ARSB: variants seen among roughly 807,000 people sequenced by gnomAD.
ARSB encodes N-acetylgalactosamine-4-sulfatase.
A neutral mutation model predicts 50.9 loss-of-function variants in ARSB; 41 were observed. The observed-to-expected ratio is 0.81, with a 90% CI of 0.63 to 1.04. ARSB has a LOEUF of 1.04. Among genes scored for constraint, ARSB ranks in the 50% least tolerant of loss-of-function variants. The pLI is 0.00. For synonymous variants in ARSB, 269 were observed against 284.8 expected (o/e 0.94, Z 0.56); for missense variants, 672 against 693.3 (o/e 0.97, Z 0.35).
chr5:78,985,065 A>C lies in ARSB; in HGVS notation c.184T>G (p.Phe62Val). ...ADDLGWNDVG[F>V]HGSRIRTPHL... ...GGCGTGCGGATGCGGGAGCCGTGGA[A>C]GCCGACGTCGTTCCAGCCTAGGTCG... is the stretch of plus-strand genomic sequence containing the variant. The change falls in exon 1 of 8, where the codon TTC (phenylalanine) becomes GTC (valine). Residue 62 changes from phenylalanine (F) to valine (V), a missense_variant. Physicochemically the swap from Phe to Val is conservative, Grantham distance 50 (BLOSUM62 -1). Coordinates refer to ENST00000264914, the MANE Select transcript of ARSB (RefSeq NM_000046.5). 6.5e-7 allele frequency: 1 copy of C among 1,543,866 alleles called. No homozygotes were observed. Among genetic ancestry groups the C allele is most frequent in the Non-Finnish European group, 8.7e-7 (1 of 1,147,128 alleles).
chr5:78,966,861 G>C (rs1459866339), intron 2 of ARSB, among the ~76,000 whole-genome samples: 1 of 150,520 alleles, frequency 6.6e-6, no homozygotes, highest in South Asian at 2.1e-4. Context: ...AGATGACAAA[G>C]TGATCTTACA....
Position 78,895,783 on chromosome 5 carries a change from C to A in ARSB, c.899-9956G>T, listed in dbSNP as rs1436815584. 2.0e-5 allele frequency among the ~76,000 whole-genome samples: 3 copies of A among 152,156 alleles called. No individual in the cohort carries two copies. In the South Asian group the frequency reaches 6.2e-4, roughly 32 times the overall value. On this transcript the variant is annotated intron_variant, in intron 4 of 7. Coordinates refer to ENST00000264914, the MANE Select transcript of ARSB (RefSeq NM_000046.5). The stretch of plus-strand genomic sequence containing the variant: ...AGGCAGGGAGATCCATGTCTGGGCT[C>A]CGGAAATGGATAGTCAGCAGGTGGA...
chr5:78,967,673 TAA>T (rs35093883), intron 2 of ARSB, among the ~76,000 whole-genome samples: 95 of 120,078 alleles, frequency 7.9e-4, no homozygotes, highest in South Asian at 7.7e-4. Flanking sequence ...ACTCCGTATA[TAA>T]AAAAAAAAAA....
At chr5:78,969,768 C>A (rs936329762) in intron 1 of ARSB, among the ~76,000 whole-genome samples, 2 of 152,268 alleles carry the variant, frequency 1.3e-5, no homozygotes, top group African/African-American at 4.8e-5. Context: ...AGGCGCCCAC[C>A]ACCATACCTA....
intron 5 of ARSB, among the ~76,000 whole-genome samples, chr5:78,872,890 C>A (rs1251200200): frequency 6.6e-6 from 1 of 151,604 alleles, no homozygotes; most frequent in Non-Finnish European, 1.5e-5. Context: ...ACACAGCGCT[C>A]TTGAAGCACC....
At chr5:78,873,870 G>A (rs562212230) in intron 5 of ARSB, among the ~76,000 whole-genome samples, 52 of 152,274 alleles carry the variant, frequency 3.4e-4, no homozygotes, top group African/African-American at 1.2e-3. Flanking sequence ...ACTTTTATCT[G>A]AGAAAACTGA....
chr5:78,867,438 G>A (rs1339892690), intron 5 of ARSB, among the ~76,000 whole-genome samples: 2 of 152,214 alleles, frequency 1.3e-5, no homozygotes, highest in Admixed American at 1.3e-4. Context: ...CTTGAAGAGA[G>A]CAGTGGTTCT....
intron 4 of ARSB, among the ~76,000 whole-genome samples, chr5:78,926,187 A>G (rs1001334873): frequency 2.0e-5 from 3 of 152,104 alleles, no homozygotes; most frequent in South Asian, 2.1e-4. Flanking sequence ...CCATAATCCT[A>G]TTTTTTATAT....
intron 4 of ARSB, among the ~76,000 whole-genome samples, chr5:78,905,790 C>T (rs1015832069): frequency 8.6e-5 from 13 of 151,904 alleles, no homozygotes; most frequent in Non-Finnish European, 1.8e-4. Context: ...CCCCAACCTC[C>T]GCTCCAGGGG....
intron 4 of ARSB, among the ~76,000 whole-genome samples, chr5:78,937,979 C>G (rs2112419906): frequency 6.6e-6 from 1 of 152,270 alleles, no homozygotes; most frequent in East Asian, 1.9e-4. Flanking sequence ...TGCTACACCC[C>G]CCACCCACTG....
chr5:78,871,179 T>C (rs1161301692), intron 5 of ARSB, among the ~76,000 whole-genome samples: 1 of 151,018 alleles, frequency 6.6e-6, no homozygotes, highest in Non-Finnish European at 1.5e-5. Context: ...TACAAACAAA[T>C]GGAAGAACAT....
rs1358656609 is a variant in ARSB at position 78,961,266 on chromosome 5, T to C, written c.690+3150A>G. On this transcript the variant is annotated intron_variant, in intron 3 of 7. Coordinates refer to ENST00000264914, the MANE Select transcript of ARSB (RefSeq NM_000046.5). ...CAGCTCCTCAAACTGGTGAGTTGCA[T>C]CATTTTATACAGAATTGAAAATGTA... is the stretch of plus-strand genomic sequence containing the variant. Among the ~76,000 whole-genome samples the C allele has an allele frequency of 3.9e-5, 6 of 152,236 alleles. No homozygotes were observed. The East Asian group carries it at 1.2e-3, about 29-fold the overall frequency.
intron 6 of ARSB, among the ~76,000 whole-genome samples, chr5:78,789,224 A>G (rs1261043403): frequency 1.3e-5 from 2 of 152,258 alleles, no homozygotes; most frequent in African/African-American, 4.8e-5. Flanking sequence ...GAAAAACATG[A>G]AAAGGAAAAT....
At chr5:78,822,187 G>A (rs1460744923) in intron 6 of ARSB, among the ~76,000 whole-genome samples, 1 of 152,190 alleles carries the variant, frequency 6.6e-6, no homozygotes. Context: ...TGAATTTTCT[G>A]ACAGACTTGG....
chr5:78,907,049 T>C (rs968361842), intron 4 of ARSB, among the ~76,000 whole-genome samples: 1 of 152,258 alleles, frequency 6.6e-6, no homozygotes, highest in East Asian at 1.9e-4. Context: ...ACAGAAAGCA[T>C]AGCCTATGTG....
intron 4 of ARSB, among the ~76,000 whole-genome samples, chr5:78,912,934 C>A (rs901710401): frequency 6.6e-6 from 1 of 152,094 alleles, no homozygotes; most frequent in South Asian, 2.1e-4. Flanking sequence ...TCATTTTGAT[C>A]ACTTAAAAGC....
chr5:78,834,609 A>ATATATATATATG (rs1561447716), intron 6 of ARSB, among the ~76,000 whole-genome samples: 1 of 50,534 alleles, frequency 2.0e-5, no homozygotes, highest in Non-Finnish European at 3.4e-5. Context: ...ATATATGTGT[A>ATATATATATATG]TATATATATA....
intron 3 of ARSB, among the ~76,000 whole-genome samples, chr5:78,958,850 G>T (rs952945807): frequency 1.3e-5 from 2 of 152,238 alleles, no homozygotes; most frequent in African/African-American, 4.8e-5. Context: ...AAAACACCAT[G>T]ACTGTTACAT....
chr5:78,919,651 C>T (rs2112345910), intron 4 of ARSB, among the ~76,000 whole-genome samples: 1 of 152,108 alleles, frequency 6.6e-6, no homozygotes, highest in African/African-American at 2.4e-5. Flanking sequence ...TGCCACCACA[C>T]CCGGATAATT....
Sources: allele counts gnomAD v4.1 joint callset (sites outside exome capture counted in the v4.1 genomes callset), GRCh38; gene constraint gnomAD v4.1.1; transcripts MANE v1.5; gene names NCBI Gene and HGNC (gene_info 2026-07-23, HGNC 2026-07-21).